The following PARG variants were observed in gnomAD, a reference collection of about 807,000 sequenced individuals.
The protein encoded by PARG is mitochondrial poly(ADP-ribose) glycohydrolase.
A neutral mutation model predicts 113.0 loss-of-function variants in PARG; 35 were observed. The ratio of observed to expected loss-of-function variants is 0.31; its 90% CI spans 0.24 to 0.41. The LOEUF is 0.41. Ranked by LOEUF, PARG falls within the 10% of genes least tolerant of loss-of-function variation. The probability of loss-of-function intolerance (pLI) is 1.00; values close to 1 mark genes in which losing one functional copy is unlikely to be tolerated. For synonymous variants in PARG, 330 were observed against 409.9 expected, an observed-to-expected ratio of 0.81 and a Z score of 2.36; for missense variants, 797 against 1,169.4, an observed-to-expected ratio of 0.68 and a Z score of 4.64.
At chr10:49,839,638 G>A (rs1469904328) in intron 15 of PARG, among the ~76,000 whole-genome samples, 1 of 152,222 alleles carries the variant, frequency 6.6e-6, no homozygotes, top group Non-Finnish European at 1.5e-5. Flanking sequence ...ACACAAGTAA[G>A]TGCAGAGAGA....
chr10:49,879,262 T>A (rs1233314593), intron 9 of PARG, among the ~76,000 whole-genome samples: 2 of 152,044 alleles, frequency 1.3e-5, no homozygotes, highest in Non-Finnish European at 2.9e-5. Context: ...ATAAGACCTT[T>A]GTAGAAAGGA....
chr10:49,897,619 G>C (rs1448386904), intron 7 of PARG, among the ~76,000 whole-genome samples: 1 of 152,208 alleles, frequency 6.6e-6, no homozygotes. Flanking sequence ...CAAAAACATT[G>C]CATTTTATCT....
At chr10:49,839,931 G>A (rs568118377) in intron 15 of PARG, among the ~76,000 whole-genome samples, 2 of 152,250 alleles carry the variant, frequency 1.3e-5, no homozygotes, top group East Asian at 1.9e-4. Context: ...TCACATATAC[G>A]TGTTTAGGTA....
intron 12 of PARG, among the ~76,000 whole-genome samples, chr10:49,859,067 T>C (rs1324636721): frequency 2.5e-4 from 37 of 146,684 alleles, no homozygotes; most frequent in African/African-American, 6.8e-4. Flanking sequence ...AATTGGAGCA[T>C]GGGAGGAAGA....
At chr10:49,861,787 AC>A in intron 11 of PARG, 124 bp from the exon 12 acceptor site, 1 of 589,042 alleles carries the variant, frequency 1.7e-6, no homozygotes. Context: ...AAAGTCAGAA[AC>A]AGATGCCTAC....
Position 49,820,252 on chromosome 10 carries a change from C to G in PARG, c.2689G>C (p.Val897Leu). The G allele has an allele frequency of 6.5e-7, 1 of 1,545,308 alleles. No homozygotes were observed. ...GAGTCCCCAAAGGTGAAATAAACCA[C>G]ATCTCGCTCAGCTGCAGCAGCTGCC... is the stretch of plus-strand genomic sequence containing the variant. ...ILAAAAAERD[V>L]VYFTFGDSEL... The change falls in exon 17 of 18, where the codon GTG becomes CTG. Residue 897 changes from valine (V) to leucine (L), a missense_variant. Transcript: ENST00000616448.
At chr10:49,892,038 C>A (rs1847831722) in intron 7 of PARG, among the ~76,000 whole-genome samples, 4 of 151,950 alleles carry the variant, frequency 2.6e-5, no homozygotes, top group Admixed American at 2.6e-4. Context: ...CACCTGCAAT[C>A]CCAGCACTTT....
Position 49,843,724 on chromosome 10 carries a change from A to G in PARG, c.2354-92T>C, listed in dbSNP as rs546951352. On this transcript the variant is annotated intron_variant, in intron 13 of 17. Coordinates refer to ENST00000616448, the MANE Select transcript of PARG (RefSeq NM_003631.5). ...ATGGCAAGAATAACTTCTGTTTAGC[A>G]CTGTACTGAAGGTCTCTCCAGCCAG... The G allele has an allele frequency of 2.4e-4, 203 of 843,284 alleles. No individual in the cohort carries two copies. The South Asian group carries it at 2.9e-3, about 12-fold the overall frequency. The allele number at this position is 843,284 out of a possible 1,614,324, so 52.2% of individuals were successfully genotyped here. A position where few individuals can be genotyped will look rare whatever the true frequency, so the allele number is the denominator to read the frequency against.
intron 6 of PARG, among the ~76,000 whole-genome samples, chr10:49,916,961 G>A (rs1837505903): frequency 6.6e-6 from 1 of 151,868 alleles, no homozygotes; most frequent in Non-Finnish European, 1.5e-5. Flanking sequence ...TTAATACTCT[G>A]TCAAAGCTTC....
At chr10:49,900,526 T>A (rs539071861) in intron 7 of PARG, among the ~76,000 whole-genome samples, 2 of 152,174 alleles carry the variant, frequency 1.3e-5, no homozygotes, top group Non-Finnish European at 2.9e-5. Context: ...TAGAATTGTG[T>A]AGGTTTATAA....
chr10:49,826,917 T>C (rs1489376389), intron 16 of PARG, among the ~76,000 whole-genome samples: 10 of 152,188 alleles, frequency 6.6e-5, no homozygotes, highest in African/African-American at 1.9e-4. Context: ...GAGGCCATTA[T>C]ATTGAAAGAA....
chr10:49,938,172 CCTTT>C (rs1838839191), intron 1 of PARG, among the ~76,000 whole-genome samples: 1 of 152,152 alleles, frequency 6.6e-6, no homozygotes, highest in Non-Finnish European at 1.5e-5. Flanking sequence ...CTTCGTTAAG[CCTTT>C]ATTTCCTCAC....
chr10:49,847,879 G>A (rs1845583144), intron 13 of PARG, among the ~76,000 whole-genome samples: 1 of 140,178 alleles, frequency 7.1e-6, no homozygotes. Flanking sequence ...TAGAGAAAAT[G>A]ATGAAGTAGA....
intron 13 of PARG, among the ~76,000 whole-genome samples, chr10:49,856,141 TAA>T (rs1412279139): frequency 6.6e-6 from 1 of 151,422 alleles, no homozygotes; most frequent in African/African-American, 2.4e-5. Context: ...CATATTAGCG[TAA>T]AGAAATCAAG....
At chr10:49,848,088 T>C (rs1446002398) in intron 13 of PARG, among the ~76,000 whole-genome samples, 29 of 152,126 alleles carry the variant, frequency 1.9e-4, no homozygotes, top group African/African-American at 6.3e-4. Flanking sequence ...GGGTGGCTCA[T>C]GCCTGTAATC....
At chr10:49,913,232 T>A (rs1837295227) in intron 7 of PARG, among the ~76,000 whole-genome samples, 1 of 152,170 alleles carries the variant, frequency 6.6e-6, no homozygotes, top group Admixed American at 6.5e-5. Context: ...AATAAACAAG[T>A]GTATTAAACA....
At chr10:49,920,282 A>C (rs1837723511) in intron 6 of PARG, among the ~76,000 whole-genome samples, 1 of 150,568 alleles carries the variant, frequency 6.6e-6, no homozygotes, top group Non-Finnish European at 1.5e-5. Flanking sequence ...CTCTACAAAA[A>C]ACTAAAATAA....
chr10:49,926,981 C>G (rs1838200398), intron 4 of PARG, among the ~76,000 whole-genome samples: 1 of 152,072 alleles, frequency 6.6e-6, no homozygotes, highest in Non-Finnish European at 1.5e-5. Flanking sequence ...GGTGAGTGTA[C>G]TCAGGTTCAG....
chr10:49,845,113 CTAAATGTTGA>C (rs1462844804), intron 13 of PARG, among the ~76,000 whole-genome samples: 2 of 152,150 alleles, frequency 1.3e-5, no homozygotes, highest in Admixed American at 1.3e-4. Context: ...AATGACAACA[CTAAATGTTGA>C]CGAGGATGGA....
Sources: gnomAD v4.1 joint callset for allele counts (sites outside exome capture counted in the v4.1 genomes callset) on GRCh38, gnomAD v4.1.1 for gene constraint, MANE v1.5 for transcripts, NCBI Gene and HGNC (gene_info 2026-07-23, HGNC 2026-07-21) for gene names.